Variants in INPP4B observed in about 807,000 individuals in gnomAD.
The protein encoded by INPP4B is inositol polyphosphate 4-phosphatase type II.
A neutral mutation model predicts 122.5 loss-of-function variants in INPP4B; 55 were observed. The ratio of observed to expected loss-of-function variants is 0.45; its 90% CI spans 0.36 to 0.56. INPP4B has a LOEUF of 0.56. Ranked by LOEUF, INPP4B falls within the 20% of genes least tolerant of loss-of-function variation. The probability of loss-of-function intolerance (pLI) is 0.00; values close to 1 mark genes in which losing one functional copy is unlikely to be tolerated. For missense variants in INPP4B, 1,000 were observed against 1,097.7 expected (o/e 0.91, Z 1.26); for synonymous variants, 403 against 388.7 (o/e 1.04, Z -0.43).
At chr4:142,691,636 T>C (rs1760196781) in intron 2 of INPP4B, among the ~76,000 whole-genome samples, 1 of 152,086 alleles carries the variant, frequency 6.6e-6, no homozygotes, top group African/African-American at 2.4e-5. Flanking sequence ...CTCCATTGAC[T>C]CTCTGATCAC....
At chr4:142,794,235 T>G (rs34032529) in intron 1 of INPP4B, among the ~76,000 whole-genome samples, 5,108 of 152,142 alleles carry the variant, frequency 0.034, 85 homozygotes, top group Middle Eastern at 0.054. Flanking sequence ...AGTCTTATAA[T>G]TTTTAAGCTA....
chr4:142,501,051 T>C (rs768200262), intron 2 of INPP4B, among the ~76,000 whole-genome samples: 5 of 152,144 alleles, frequency 3.3e-5, no homozygotes, highest in Admixed American at 6.6e-5. Context: ...CAATAAAAAA[T>C]ACTAACAGTA....
In INPP4B at chr4:142,260,514, AT is replaced by A. The variant is rs770768234; in HGVS notation, c.665del (p.Asp222ValfsTer6). 1 of 1,608,204 alleles carries A rather than the reference AT, an allele frequency of 6.2e-7. No homozygotes were observed. ...TACCTGAATTCAAAAAAGGTAAGTT[AT>A]CTTTTCCGCTCACACTTTCCGGGGC... ...CTAPESVSGK[D>X]NLPFLNSVLK... is the part of the protein sequence containing the mutation. On this transcript the variant is annotated frameshift_variant, in exon 11 of 26. Transcript: ENST00000262992. LOFTEE classifies it high-confidence loss of function.
At chr4:142,070,180 A>G (rs1364692402) in intron 25 of INPP4B, among the ~76,000 whole-genome samples, 1 of 152,230 alleles carries the variant, frequency 6.6e-6, no homozygotes, top group Non-Finnish European at 1.5e-5. Flanking sequence ...GGCTGGTTCA[A>G]CATACGCAAA....
At chr4:142,430,578 A>G (rs917839615) in intron 4 of INPP4B, among the ~76,000 whole-genome samples, 8 of 152,124 alleles carry the variant, frequency 5.3e-5, no homozygotes, top group African/African-American at 1.9e-4. Flanking sequence ...TTTTAAATAC[A>G]AAAGAAAACA....
chr4:142,800,115 G>A (rs1777819941), intron 1 of INPP4B, among the ~76,000 whole-genome samples: 1 of 152,038 alleles, frequency 6.6e-6, no homozygotes, highest in Non-Finnish European at 1.5e-5. Flanking sequence ...TATATAAAAT[G>A]TTTTTGCATA....
At chr4:142,154,087 A>G (rs935581883) in intron 17 of INPP4B, among the ~76,000 whole-genome samples, 4 of 152,134 alleles carry the variant, frequency 2.6e-5, no homozygotes, top group African/African-American at 4.8e-5. Flanking sequence ...ATAGGGAACA[A>G]CTGGCCCCAT....
chr4:142,821,953 G>A (rs1318473874), intron 1 of INPP4B, among the ~76,000 whole-genome samples: 6 of 152,128 alleles, frequency 3.9e-5, no homozygotes. Context: ...GATTTTACCT[G>A]TGTGTCCCTA....
chr4:142,703,630 G>A (rs546729313), intron 2 of INPP4B, among the ~76,000 whole-genome samples: 7 of 152,168 alleles, frequency 4.6e-5, no homozygotes, highest in Non-Finnish European at 8.8e-5. Flanking sequence ...CTCTGGGGCA[G>A]CTTAATTTAC....
At chr4:142,068,951 G>A (rs1272077857) in intron 25 of INPP4B, among the ~76,000 whole-genome samples, 1 of 152,102 alleles carries the variant, frequency 6.6e-6, no homozygotes, top group Admixed American at 6.5e-5. Flanking sequence ...AGGATATCCA[G>A]GAATTGAACT....
At position 142,356,335 on chromosome 4, in the gene INPP4B, C is replaced by T. The variant is rs151338150; in HGVS notation, c.373-41573G>A. 3.8e-3 allele frequency among the ~76,000 whole-genome samples: 578 copies of T among 150,408 alleles called. 3 individuals carry two copies. Among genetic ancestry groups the T allele is most frequent in the Middle Eastern group, 6.8e-3 (2 of 294 alleles). ...TCAACTGTGTAAGAATGAGAATGTA[C>T]AGAGATGTGTGGCCTACTTTTCTCA... On this transcript the variant is annotated intron_variant, in intron 7 of 25. Transcript: ENST00000262992.
intron 21 of INPP4B, among the ~76,000 whole-genome samples, chr4:142,119,599 G>C (rs1795530437): frequency 1.4e-5 from 2 of 146,272 alleles, no homozygotes; most frequent in Non-Finnish European, 3.0e-5. Context: ...TGAACAATGA[G>C]AACACTTGGA....
At chr4:142,715,868 A>C (rs577532768) in intron 2 of INPP4B, among the ~76,000 whole-genome samples, 5 of 152,302 alleles carry the variant, frequency 3.3e-5, no homozygotes, top group Admixed American at 2.6e-4. Flanking sequence ...AGCTGAGACC[A>C]TTTGAAGATT....
At chr4:142,293,425 A>G (rs1177388322) in intron 9 of INPP4B, among the ~76,000 whole-genome samples, 2 of 152,294 alleles carry the variant, frequency 1.3e-5, no homozygotes, top group East Asian at 1.9e-4. Flanking sequence ...ACAGCATTAA[A>G]AAAAAAGCAA....
intron 1 of INPP4B, among the ~76,000 whole-genome samples, chr4:142,756,106 T>C (rs997884034): frequency 6.6e-6 from 1 of 152,000 alleles, no homozygotes; most frequent in Non-Finnish European, 1.5e-5. Context: ...TGCAGGCGAA[T>C]GAATGAGACA....
chr4:142,446,229 G>GA (rs1378049716), intron 3 of INPP4B, among the ~76,000 whole-genome samples: 3 of 151,234 alleles, frequency 2.0e-5, no homozygotes, highest in Non-Finnish European at 3.0e-5. Flanking sequence ...AAAACAATGG[G>GA]AAAAAAACTA....
At chr4:142,385,895 GTTAC>G (rs1795809458) in intron 7 of INPP4B, among the ~76,000 whole-genome samples, 1 of 152,046 alleles carries the variant, frequency 6.6e-6, no homozygotes, top group Non-Finnish European at 1.5e-5. Context: ...TCACATAGTT[GTTAC>G]TTTTTTGTGG....
chr4:142,230,873 T>C (rs1365663750), intron 12 of INPP4B, among the ~76,000 whole-genome samples: 1 of 152,198 alleles, frequency 6.6e-6, no homozygotes, highest in Non-Finnish European at 1.5e-5. Flanking sequence ...GAGCCTTTCT[T>C]CACAGCAGTA....
At chr4:142,498,286 G>T (rs993499208) in intron 2 of INPP4B, among the ~76,000 whole-genome samples, 2 of 151,016 alleles carry the variant, frequency 1.3e-5, no homozygotes, top group Non-Finnish European at 2.9e-5. Flanking sequence ...TCAAAAATGC[G>T]AACCCAAGCA....
Sources: gnomAD v4.1 joint callset for allele counts (sites outside exome capture counted in the v4.1 genomes callset) on GRCh38, gnomAD v4.1.1 for gene constraint, MANE v1.5 for transcripts, NCBI Gene and HGNC (gene_info 2026-07-23, HGNC 2026-07-21) for gene names.